PTPN4: variants seen among roughly 807,000 people sequenced by gnomAD.
PTPN4 encodes the protein protein tyrosine phosphatase non-receptor type 4.
In PTPN4, 49 loss-of-function variants were observed where a neutral mutation model predicts 135.5. The observed-to-expected ratio is 0.36, with a 90% CI of 0.29 to 0.46. PTPN4 has a LOEUF of 0.46. Among genes scored for constraint, PTPN4 ranks in the 20% least tolerant of loss-of-function variants. PTPN4 has a pLI of 1.00. For missense variants in PTPN4, 860 were observed against 1,101.0 expected (o/e 0.78, Z 3.10); for synonymous variants, 333 against 369.9 (o/e 0.90, Z 1.14).
At chr2:119,805,661 C>A (rs1483755142) in intron 1 of PTPN4, among the ~76,000 whole-genome samples, 1 of 152,134 alleles carries the variant, frequency 6.6e-6, no homozygotes, top group Non-Finnish European at 1.5e-5. Context: ...GATACCAGTA[C>A]CATGCTGTTT....
At chr2:119,816,197 C>T (rs968844469) in intron 2 of PTPN4, among the ~76,000 whole-genome samples, 5 of 152,138 alleles carry the variant, frequency 3.3e-5, no homozygotes, top group Non-Finnish European at 7.3e-5. Context: ...GCTATTATAA[C>T]ATGATGGTAT....
At chr2:119,873,486 T>C (rs1238465917) in intron 3 of PTPN4, among the ~76,000 whole-genome samples, 2 of 152,022 alleles carry the variant, frequency 1.3e-5, no homozygotes, top group East Asian at 3.9e-4. Flanking sequence ...GTATATAGAG[T>C]AAACAAGAGA....
At chr2:119,836,814 C>T (rs540352430) in intron 2 of PTPN4, among the ~76,000 whole-genome samples, 4 of 152,308 alleles carry the variant, frequency 2.6e-5, no homozygotes, top group Non-Finnish European at 5.9e-5. Flanking sequence ...TGTGTGTGTG[C>T]GCAGGGTGGT....
chr2:119,929,262 A>G (rs770938079), intron 13 of PTPN4, among the ~76,000 whole-genome samples: 1 of 152,086 alleles, frequency 6.6e-6, no homozygotes, highest in Non-Finnish European at 1.5e-5. Flanking sequence ...AATTGTAATG[A>G]ACAGATATAT....
At chr2:119,802,543 C>A (rs1691396234) in intron 1 of PTPN4, among the ~76,000 whole-genome samples, 1 of 152,088 alleles carries the variant, frequency 6.6e-6, no homozygotes, top group African/African-American at 2.4e-5. Context: ...TTGGGTGAAC[C>A]TTGTTGCACC....
At chr2:119,786,338 T>C (rs1305315180) in intron 1 of PTPN4, among the ~76,000 whole-genome samples, 1 of 152,248 alleles carries the variant, frequency 6.6e-6, no homozygotes, top group Non-Finnish European at 1.5e-5. Context: ...GTCTGTGTTC[T>C]AGTTACCTAC....
intron 2 of PTPN4, among the ~76,000 whole-genome samples, chr2:119,841,806 G>GA (rs1178314413): frequency 6.6e-6 from 1 of 152,116 alleles, no homozygotes; most frequent in Non-Finnish European, 1.5e-5. Flanking sequence ...GTAAATGGTG[G>GA]AAAAATAACA....
At chr2:119,817,575 G>C (rs889517420) in intron 2 of PTPN4, among the ~76,000 whole-genome samples, 1 of 152,090 alleles carries the variant, frequency 6.6e-6, no homozygotes, top group Non-Finnish European at 1.5e-5. Flanking sequence ...TAGCCCTGTA[G>C]TATAGTTTGA....
chr2:119,833,861 A>T (rs1160998935), intron 2 of PTPN4, among the ~76,000 whole-genome samples: 1 of 152,118 alleles, frequency 6.6e-6, no homozygotes, highest in East Asian at 1.9e-4. Context: ...CTCCTAGTCT[A>T]CCTTTCATTC....
At chr2:119,764,507 C>G (rs530540825) in intron 1 of PTPN4, among the ~76,000 whole-genome samples, 1 of 152,232 alleles carries the variant, frequency 6.6e-6, no homozygotes, top group African/African-American at 2.4e-5. Flanking sequence ...CTCTTTAAAC[C>G]TTTTTCAAAA....
chr2:119,963,560 G>T (rs940697179), intron 24 of PTPN4, among the ~76,000 whole-genome samples: 2 of 152,198 alleles, frequency 1.3e-5, no homozygotes, highest in African/African-American at 4.8e-5. Flanking sequence ...CCAACCCCAA[G>T]AGCATGATTA....
chr2:119,775,591 G>A (rs1424957956), intron 1 of PTPN4, among the ~76,000 whole-genome samples: 1 of 152,182 alleles, frequency 6.6e-6, no homozygotes, highest in Non-Finnish European at 1.5e-5. Context: ...GGAAAGGATT[G>A]TCAGCATTAT....
rs1428794636 is a variant in PTPN4, at chr2:119,976,968, A to G, written c.2695-16A>G. 2 of 1,596,880 alleles carry G rather than the reference A, an allele frequency of 1.3e-6. No individual in the cohort carries two copies. The highest frequency in any genetic ancestry group is 1.2e-5 in the South Asian group (1 of 86,868). On this transcript the variant is annotated splice_polypyrimidine_tract_variant and intron_variant, in intron 26 of 26. Transcript: ENST00000263708. The stretch of plus-strand genomic sequence containing the variant: ...ACTTTTCTGATCAGTTCTGTTTTTT[A>G]TATTTTATTTTTCAGAGTCAATACA...
chr2:119,842,646 C>G (rs535839856), intron 2 of PTPN4, among the ~76,000 whole-genome samples: 1 of 151,998 alleles, frequency 6.6e-6, no homozygotes, highest in Non-Finnish European at 1.5e-5. Context: ...TGTTTTGTTT[C>G]GTTTTTTTCT....
chr2:119,886,165 T>C (rs555891212), intron 9 of PTPN4, among the ~76,000 whole-genome samples: 2 of 152,320 alleles, frequency 1.3e-5, no homozygotes, highest in South Asian at 4.1e-4. Flanking sequence ...TAAAATATAA[T>C]TGTTAGGCTA....
At chr2:119,966,317 G>C (rs1474391125) in intron 25 of PTPN4, among the ~76,000 whole-genome samples, 1 of 152,020 alleles carries the variant, frequency 6.6e-6, no homozygotes, top group East Asian at 1.9e-4. Flanking sequence ...GGAGTGCAAT[G>C]GCATGATCAC....
chr2:119,766,846 AC>A (rs2104917761), intron 1 of PTPN4, among the ~76,000 whole-genome samples: 1 of 152,288 alleles, frequency 6.6e-6, no homozygotes, highest in African/African-American at 2.4e-5. Flanking sequence ...GTCCATTTGG[AC>A]ATGGGGGGAA....
At chr2:119,930,939 A>G (rs1020053236) in intron 13 of PTPN4, among the ~76,000 whole-genome samples, 4 of 152,044 alleles carry the variant, frequency 2.6e-5, no homozygotes, top group South Asian at 2.1e-4. Flanking sequence ...CTTTATCAAT[A>G]TAAGAAAATC....
intron 1 of PTPN4, among the ~76,000 whole-genome samples, chr2:119,781,101 G>T (rs1311263299): frequency 6.6e-6 from 1 of 152,062 alleles, no homozygotes; most frequent in Admixed American, 6.6e-5. Flanking sequence ...TCTTTAAACT[G>T]CCTCTCTTTT....
Sources: gnomAD v4.1 joint callset for allele counts (sites outside exome capture counted in the v4.1 genomes callset) on GRCh38, gnomAD v4.1.1 for gene constraint, MANE v1.5 for transcripts, NCBI Gene and HGNC (gene_info 2026-07-23, HGNC 2026-07-21) for gene names.